The following SLC25A39 variants were observed in gnomAD, a reference collection of about 807,000 sequenced individuals.
The protein encoded by SLC25A39 is solute carrier family 25 member 39, also known as mitochondrial glutathione transporter SLC25A39.
Under a neutral mutation model 46.6 loss-of-function variants are expected in SLC25A39, and 44 were observed. That is an observed-to-expected ratio of 0.94 (90% CI 0.74 to 1.21). The LOEUF (loss-of-function observed/expected upper bound fraction) is 1.21, where lower values mean the gene tolerates loss of function less well. Ranked by LOEUF, SLC25A39 falls within the 50% of genes most tolerant of loss-of-function variation. The pLI is 0.00. For synonymous variants in SLC25A39, 218 were observed against 190.6 expected (o/e 1.14, Z -1.19); for missense variants, 487 against 473.0 (o/e 1.03, Z -0.28).
At chr17:44,323,143 G>C (rs2048106995) in intron 3 of SLC25A39, 141 bp downstream of exon 3, 1 of 1,063,004 alleles carries the variant, frequency 9.4e-7, no homozygotes, top group Admixed American at 2.2e-5. Context: ...GGCTGGCCTT[G>C]AACTCCTGAT....
At position 44,320,086 on chromosome 17, in the gene SLC25A39, G is replaced by C; in HGVS notation, c.995C>G (p.Pro332Arg). 1.9e-6 allele frequency: 3 copies of C among 1,614,114 alleles called. No homozygotes were observed. Among genetic ancestry groups the C allele is most frequent in the Non-Finnish European group, 1.7e-6 (2 of 1,180,026 alleles). The change falls in exon 12 of 12, where the codon CCC (proline) becomes CGC (arginine). Residue 332 changes from proline to arginine, a missense_variant. Transcript: ENST00000377095. Reference sequence around the variant, plus strand: ...GGTGCTGATCATGATGGCACAGGAGGGGGCAGCCTTGATGATCCGAGGAAG... The same window carrying C: ...GGTGCTGATCATGATGGCACAGGAGCGGGCAGCCTTGATGATCCGAGGAAG... Reference protein sequence around the residue: ...GFLPRIIKAAPSCAIMISTYE... With the variant: ...GFLPRIIKAARSCAIMISTYE...
intron 2 of SLC25A39, 39 bp downstream of exon 2, chr17:44,323,439 A>AAAGCC: frequency 3.9e-6 from 1 of 257,110 alleles, no homozygotes; most frequent in Non-Finnish European, 5.7e-6. Context: ...GGTCTGCCCC[A>AAAGCC]TCCCCACCCG....
chr17:44,324,203 C>T (rs545935785), intron 1 of SLC25A39: 2 of 152,686 alleles, frequency 1.3e-5, no homozygotes, highest in Non-Finnish European at 2.9e-5. Flanking sequence ...GCACCTCCTA[C>T]GTGCAGGCGC....
intron 3 of SLC25A39, 152 bp downstream of exon 3, chr17:44,323,132 A>G: frequency 1.0e-6 from 1 of 979,542 alleles, no homozygotes; most frequent in East Asian, 2.6e-5. Context: ...CACGTTGGCC[A>G]GGCTGGCCTT....
rs747086823 is a variant in SLC25A39 at position 44,323,572 on chromosome 17, T to G, written c.-10A>C. ...GGTCCTGGTCAGCCATCTTGAAGCT[T>G]CAGTCCTGAAAACCAAACCTCAAAC... On this transcript the variant is annotated 5_prime_UTR_variant, in exon 2 of 12. Coordinates refer to ENST00000377095, the MANE Select transcript of SLC25A39 (RefSeq NM_001143780.3). The G allele has an allele frequency of 1.4e-5, 22 of 1,563,040 alleles. No individual in the cohort carries two copies. The highest frequency in any genetic ancestry group is 1.8e-5 in the Non-Finnish European group (21 of 1,153,974).
At chr17:44,321,293 C>A in intron 7 of SLC25A39, 62 bp from the exon 8 acceptor site, 1 of 1,579,320 alleles carries the variant, frequency 6.3e-7, no homozygotes. Context: ...CATGGCATCA[C>A]CTACCTGCTG....
chr17:44,321,402 G>A (rs2048029547), intron 7 of SLC25A39, 32 bp downstream of exon 7: 3 of 1,613,384 alleles, frequency 1.9e-6, no homozygotes, highest in African/African-American at 2.7e-5. Flanking sequence ...GGTGGGGACA[G>A]AGGGAGGTCA....
chr17:44,320,342 T>A lies in SLC25A39; in HGVS notation c.883+13A>T, dbSNP rs373801902. ...CCCCACCTGTCCCCTGCCACGGCAA[T>A]CTGGGCCCTCACCTCTCACAGCCTC... On this transcript the variant is annotated intron_variant, in intron 10 of 11. Coordinates refer to ENST00000377095, the MANE Select transcript of SLC25A39 (RefSeq NM_001143780.3). 1.9e-6 allele frequency: 3 copies of A among 1,613,518 alleles called. No homozygotes were observed. In the South Asian group the frequency reaches 3.3e-5, roughly 18 times the overall value.
In SLC25A39 at chr17:44,320,429, G is replaced by A. The variant is rs2047988340; in HGVS notation, c.809C>T (p.Ala270Val). The change falls in exon 10 of 12, where the codon GCA becomes GTA. Residue 270 changes from alanine to valine, a missense_variant. Physicochemically the swap from Ala to Val is moderately conservative, Grantham distance 64 (BLOSUM62 0). Transcript: ENST00000377095. ...VAGGISGTVA[A>V]VLTLPFDVVK... Reference sequence around the variant, plus strand: ...CACGTCAAAGGGTAGAGTCAGCACTGCAGCCACCTGGTGGGGTGGGCGGGG... The same window carrying A: ...CACGTCAAAGGGTAGAGTCAGCACTACAGCCACCTGGTGGGGTGGGCGGGG... The A allele has an allele frequency of 1.2e-6, 2 of 1,613,532 alleles. No individual in the cohort carries two copies. The highest frequency in any genetic ancestry group is 1.7e-6 in the Non-Finnish European group (2 of 1,180,022).
chr17:44,321,534 G>A lies in SLC25A39; in HGVS notation c.417C>T (p.Ala139=), dbSNP rs1275607910. 1 of 1,614,060 alleles carries A rather than the reference G, an allele frequency of 6.2e-7. No individual in the cohort carries two copies. The highest frequency in any genetic ancestry group is 8.5e-7 in the Non-Finnish European group (1 of 1,180,000). Residue 139 remains alanine, a synonymous_variant, in exon 7 of 12, where the codon GCC becomes GCT. Transcript: ENST00000377095. ...ATLVMTVPAT[A]IYFTAYDQLK... is the part of the protein sequence containing the mutation. ...GTTGGTCATAGGCAGTGAAGTAGAT[G>A]GCGGTAGCTGGCACAGTCATCACCC...
intron 1 of SLC25A39, 90 bp downstream of exon 1, chr17:44,324,621 C>T (rs892786375): frequency 1.3e-5 from 2 of 152,352 alleles, no homozygotes; most frequent in Non-Finnish European, 1.5e-5. Flanking sequence ...CACGCCAGCT[C>T]GACGGCCCCA....
intron 1 of SLC25A39, chr17:44,323,950 CTT>C (rs1318009371): frequency 8.3e-6 from 2 of 240,808 alleles, no homozygotes; most frequent in Non-Finnish European, 1.6e-5. Flanking sequence ...CACTGTGAGA[CTT>C]TAACCCAACC....
At chr17:44,322,945 T>C (rs920128879) in intron 3 of SLC25A39, 93 bp from the exon 4 acceptor site, 16 of 1,388,132 alleles carry the variant, frequency 1.2e-5, no homozygotes, top group Non-Finnish European at 1.6e-5. Flanking sequence ...TTTTTTGAGA[T>C]GGAGTCTTGC....
Position 44,319,729 on chromosome 17 carries a change from C to T in SLC25A39, c.*272G>A. ...TGGAGACATGCCCAGCTACAGCAAA[C>T]ACAGGGAAACACGAAGGGGGCAGCT... On this transcript the variant is annotated 3_prime_UTR_variant, in exon 12 of 12. Coordinates refer to ENST00000377095, the MANE Select transcript of SLC25A39 (RefSeq NM_001143780.3). The T allele has an allele frequency of 2.1e-6, 1 of 466,560 alleles. No individual in the cohort carries two copies. Among genetic ancestry groups the T allele is most frequent in the Non-Finnish European group, 4.0e-6 (1 of 252,802 alleles). The allele number at this position is 466,560 out of a possible 1,614,324, so 28.9% of individuals were successfully genotyped here.
chr17:44,323,438 C>CCCG, intron 2 of SLC25A39, 40 bp downstream of exon 2: 1 of 1,257,702 alleles, frequency 8.0e-7, no homozygotes, highest in Non-Finnish European at 1.1e-6. Flanking sequence ...CGGTCTGCCC[C>CCCG]ATCCCCACCC....
In SLC25A39 at chr17:44,322,830, C is replaced by T. The variant is rs2048094955; in HGVS notation, c.168G>A (p.Leu56=). The change falls in exon 4 of 12, where the codon CTG becomes CTA. Residue 56 remains leucine (L), a synonymous_variant. Coordinates refer to ENST00000377095, the MANE Select transcript of SLC25A39 (RefSeq NM_001143780.3). ...CACATTTGGTATAGGAGAGGCTCCA[C>T]AGTCTGGAGGAAGGCATCAGCTCTA... ...MASELMPSSR[L]WSLSYTKLPS... is the part of the protein sequence containing the mutation. 3.1e-6 allele frequency: 5 copies of T among 1,613,956 alleles called. No homozygotes were observed. The highest frequency in any genetic ancestry group is 2.7e-5 in the African/African-American group (2 of 74,910).
At chr17:44,323,438 C>CCCAA in intron 2 of SLC25A39, 40 bp downstream of exon 2, 1 of 1,257,702 alleles carries the variant, frequency 8.0e-7, no homozygotes, top group Non-Finnish European at 1.1e-6. Flanking sequence ...CGGTCTGCCC[C>CCCAA]ATCCCCACCC....
chr17:44,320,086 G>A lies in SLC25A39; in HGVS notation c.995C>T (p.Pro332Leu), dbSNP rs373183226. 3 of 1,614,114 alleles carry A rather than the reference G, an allele frequency of 1.9e-6. No homozygotes were observed. Among genetic ancestry groups the A allele is most frequent in the East Asian group, 2.2e-5 (1 of 44,880 alleles). ...GFLPRIIKAA[P>L]SCAIMISTYE... ...GGTGCTGATCATGATGGCACAGGAG[G>A]GGGCAGCCTTGATGATCCGAGGAAG... Residue 332 changes from proline to leucine, a missense_variant, in exon 12 of 12, where the codon CCC (proline) becomes CTC (leucine). Pro to Leu is a moderately conservative substitution (Grantham distance 98). Transcript: ENST00000377095.
chr17:44,323,747 T>G, intron 1 of SLC25A39, 170 bp from the exon 2 acceptor site: 1 of 590,370 alleles, frequency 1.7e-6, no homozygotes, highest in Non-Finnish European at 3.0e-6. Context: ...GTTCAAGCGG[T>G]TCTCTTGCTT....
Sources: gnomAD v4.1 joint callset for allele counts on GRCh38, gnomAD v4.1.1 for gene constraint, MANE v1.5 for transcripts, NCBI Gene and HGNC (gene_info 2026-07-23, HGNC 2026-07-21) for gene names.